RELN: variants seen among roughly 807,000 people sequenced by gnomAD.
The protein encoded by RELN is reelin.
In RELN, 108 loss-of-function variants were observed where a neutral mutation model predicts 427.6. That is an observed-to-expected ratio of 0.25 (90% confidence interval 0.22 to 0.30). The LOEUF (loss-of-function observed/expected upper bound fraction) is 0.30. Among genes scored for constraint, RELN ranks in the 10% least tolerant of loss-of-function variants. RELN has a pLI of 1.00. For missense variants in RELN, 3,715 were observed against 4,302.8 expected (o/e 0.86, Z 3.82); for synonymous variants, 1,524 against 1,513.4 (o/e 1.01, Z -0.16).
chr7:103,582,341 T>A (rs1284019331), intron 28 of RELN, among the ~76,000 whole-genome samples: 1 of 152,230 alleles, frequency 6.6e-6, no homozygotes, highest in Non-Finnish European at 1.5e-5. Context: ...AACTAAAGCA[T>A]ATGGCAAGTC....
chr7:103,734,561 T>C (rs1037507226), intron 6 of RELN, among the ~76,000 whole-genome samples: 7 of 152,186 alleles, frequency 4.6e-5, no homozygotes, highest in Non-Finnish European at 8.8e-5. Context: ...TTATTAAACC[T>C]TCTCTGAACC....
rs1026375038 is a variant in RELN at position 103,604,122 on chromosome 7, G to C, written c.3146+224C>G. The stretch of plus-strand genomic sequence containing the variant: ...CTGACGTTGAAGCTCAGGAGGCCTT[G>C]TCTTGAGGTTAGAGTTTGAGATTTA... On this transcript the variant is annotated intron_variant, in intron 23 of 64. Coordinates refer to ENST00000428762, the MANE Select transcript of RELN (RefSeq NM_005045.4). 2.6e-5 allele frequency among the ~76,000 whole-genome samples: 4 copies of C among 152,284 alleles called. No homozygotes were observed. In the East Asian group the frequency reaches 7.7e-4, roughly 29 times the overall value.
At chr7:103,744,548 A>G (rs1311062513) in intron 6 of RELN, among the ~76,000 whole-genome samples, 1 of 152,208 alleles carries the variant, frequency 6.6e-6, no homozygotes, top group African/African-American at 2.4e-5. Flanking sequence ...AGAGAGAAGA[A>G]TCAAATAGAT....
chr7:103,922,315 C>T (rs10277860), intron 1 of RELN, among the ~76,000 whole-genome samples: 3,743 of 152,064 alleles, frequency 0.025, 149 homozygotes, highest in African/African-American at 0.085. Context: ...AATAGCTTTT[C>T]TTTTATATAT....
chr7:103,693,545 T>TAA (rs11321258), intron 10 of RELN, among the ~76,000 whole-genome samples: 3 of 134,000 alleles, frequency 2.2e-5, no homozygotes, highest in Non-Finnish European at 3.3e-5. Context: ...TCCAGCAAAA[T>TAA]AAAAAAAAAA....
intron 28 of RELN, among the ~76,000 whole-genome samples, chr7:103,584,642 C>G (rs1831228697): frequency 6.6e-6 from 1 of 152,084 alleles, no homozygotes. Context: ...AATGACATCA[C>G]TAGATAGATC....
In RELN at chr7:103,566,628, C is replaced by T. The variant is rs78480723; in HGVS notation, c.4720G>A (p.Ala1574Thr). 333 of 1,614,136 alleles carry T rather than the reference C, an allele frequency of 2.1e-4. 1 individual carries two copies. The East Asian group carries it at 6.5e-3, about 31-fold the overall frequency. Residue 1574 changes from alanine (A) to threonine (T), a missense_variant, in exon 32 of 65, where the codon GCA (alanine) becomes ACA (threonine). Ala to Thr is a moderately conservative substitution (Grantham distance 58). This residue lies in a region of RELN where 2,208 missense variants were observed against 2,361.7 expected (regional missense o/e 0.93). Transcript: ENST00000428762. ...LPQDAKTPAT[A>T]FRWWQPQHGK... ...TGTTGCGGTTGCCACCATCGAAATG[C>T]CGTTGCAGGTGTCTTCGCGTCCTGT... is the stretch of plus-strand genomic sequence containing the variant.
chr7:103,867,757 A>G (rs1167443458), intron 2 of RELN, among the ~76,000 whole-genome samples: 1 of 152,082 alleles, frequency 6.6e-6, no homozygotes, highest in Non-Finnish European at 1.5e-5. Flanking sequence ...TATGATGTTT[A>G]GTAATCATAC....
chr7:103,824,197 T>G lies in RELN; in HGVS notation c.473+9340A>C, dbSNP rs1443528838. On this transcript the variant is annotated intron_variant, in intron 3 of 64. Coordinates refer to ENST00000428762, the MANE Select transcript of RELN (RefSeq NM_005045.4). This position sits in a 1 kb window ranked among gnomAD's most constrained non-coding sequence, Gnocchi z 4.4. Reference sequence around the variant, plus strand: ...TAGAAAAATTTCTGCCATTATCTCTTCAAATTTGTCTTATTATTTTTATTC... The same window carrying G: ...TAGAAAAATTTCTGCCATTATCTCTGCAAATTTGTCTTATTATTTTTATTC... Among the ~76,000 whole-genome samples the G allele has an allele frequency of 6.6e-6, 1 of 152,002 alleles. No homozygotes were observed. The highest frequency in any genetic ancestry group is 1.5e-5 in the Non-Finnish European group (1 of 68,018).
Position 103,585,379 on chromosome 7 carries a change from T to C in RELN, c.4145+4217A>G, listed in dbSNP as rs1831246746. On this transcript the variant is annotated intron_variant, in intron 28 of 64. Coordinates refer to ENST00000428762, the MANE Select transcript of RELN (RefSeq NM_005045.4). ...GAAATAATAAAGGTGACATTACAAC[T>C]GGTATCAGAGAAATAAAAAAGATCA... is the stretch of plus-strand genomic sequence containing the variant. Among the ~76,000 whole-genome samples the C allele has an allele frequency of 2.0e-5, 3 of 152,224 alleles. No homozygotes were observed. In the South Asian group the frequency reaches 6.2e-4, roughly 32 times the overall value.
At chr7:103,902,202 T>C (rs10254052) in intron 2 of RELN, among the ~76,000 whole-genome samples, 16,835 of 152,004 alleles carry the variant, frequency 0.11, 1,165 homozygotes, top group East Asian at 0.27. Context: ...TCCCACTCTC[T>C]AGAAAAAGAA....
At chr7:103,795,664 G>A (rs1387903549) in intron 3 of RELN, among the ~76,000 whole-genome samples, 4 of 152,120 alleles carry the variant, frequency 2.6e-5, no homozygotes, top group African/African-American at 9.7e-5. Context: ...AACAAAGGCA[G>A]GTTAAAGGTA....
Position 103,596,795 on chromosome 7 carries a change from G to C in RELN, c.3334-134C>G, listed in dbSNP as rs1184095319. 3.8e-6 allele frequency: 3 copies of C among 781,434 alleles called. No individual in the cohort carries two copies. In the East Asian group the frequency reaches 7.9e-5, roughly 21 times the overall value. 48.4% of individuals were successfully genotyped at this position (781,434 alleles called of 1,614,324 possible). On this transcript the variant is annotated intron_variant, in intron 24 of 64. Transcript: ENST00000428762. Reference sequence around the variant, plus strand: ...TCGTCCCCATTTATTGTGGAGAGAGGGCAGTCATGCCATTTAGTTGTTTCT... The same window carrying C: ...TCGTCCCCATTTATTGTGGAGAGAGCGCAGTCATGCCATTTAGTTGTTTCT...
At chr7:103,806,178 C>T (rs989710185) in intron 3 of RELN, among the ~76,000 whole-genome samples, 1 of 152,148 alleles carries the variant, frequency 6.6e-6, no homozygotes, top group African/African-American at 2.4e-5. Context: ...AAGAGCCAAA[C>T]ATTTCACTAA....
intron 1 of RELN, among the ~76,000 whole-genome samples, chr7:103,973,190 T>G (rs922590999): frequency 6.6e-6 from 1 of 152,200 alleles, no homozygotes; most frequent in African/African-American, 2.4e-5. Flanking sequence ...TGACAGCTTT[T>G]TCAAGAGCGT....
In RELN at chr7:103,920,578, TG is replaced by T. The variant is rs1185252198; in HGVS notation, c.227-3394del. ...TGTACCAGTCTTTGGTTTTTTTTTT[TG>T]TTTTTTTTTTTTTTGAGAGAGTCTC... On this transcript the variant is annotated intron_variant, in intron 1 of 64. Coordinates refer to ENST00000428762, the MANE Select transcript of RELN (RefSeq NM_005045.4). Among the ~76,000 whole-genome samples, 76 of 106,678 alleles carry T rather than the reference TG, an allele frequency of 7.1e-4. 2 individuals are homozygous for T. Among genetic ancestry groups the T allele is most frequent in the East Asian group, 3.4e-3 (9 of 2,646 alleles). The allele number at this position is 106,678 out of a possible 152,430, so 70.0% of individuals were successfully genotyped here.
rs140731221 is a variant in RELN at position 103,586,341 on chromosome 7, C to T, written c.4145+3255G>A. Reference sequence around the variant, plus strand: ...TCACGCCATTGCACTCCAGCCTGGGCGACAGAGTGAGACTCCATCTCAAAA... The same window carrying T: ...TCACGCCATTGCACTCCAGCCTGGGTGACAGAGTGAGACTCCATCTCAAAA... On this transcript the variant is annotated intron_variant, in intron 28 of 64. Coordinates refer to ENST00000428762, the MANE Select transcript of RELN (RefSeq NM_005045.4). 2.8e-3 allele frequency among the ~76,000 whole-genome samples: 417 copies of T among 151,604 alleles called. 2 individuals carry two copies. The highest frequency in any genetic ancestry group is 9.2e-3 in the African/African-American group (378 of 41,278).
Position 103,535,279 on chromosome 7 carries a change from G to T in RELN, c.7349+37C>A, listed in dbSNP as rs373241797. On this transcript the variant is annotated intron_variant, in intron 46 of 64. Coordinates refer to ENST00000428762, the MANE Select transcript of RELN (RefSeq NM_005045.4). ...GTTATCACATTTGGGCTCACTATAC[G>T]TAGAAGCATGTGGTGAACATGTAGA... 2.6e-5 allele frequency: 41 copies of T among 1,603,408 alleles called. No homozygotes were observed. In the African/African-American group the frequency reaches 5.4e-4, roughly 21 times the overall value.
intron 3 of RELN, among the ~76,000 whole-genome samples, chr7:103,800,087 T>C (rs1406046292): frequency 1.3e-5 from 2 of 152,208 alleles, no homozygotes; most frequent in African/African-American, 4.8e-5. Context: ...AAGACAGGGA[T>C]GCCCTCTCTC....
Sources: gnomAD v4.1 joint callset for allele counts (sites outside exome capture counted in the v4.1 genomes callset) on GRCh38, gnomAD v4.1.1 for gene constraint, gnomAD v4.1.1 regional missense constraint, Gnocchi (gnomAD v3.1) non-coding constraint, MANE v1.5 for transcripts, NCBI Gene and HGNC (gene_info 2026-07-23, HGNC 2026-07-21) for gene names.